Variants in MYO3B observed in about 807,000 individuals in gnomAD.
MYO3B encodes myosin IIIB, also known as myosin-IIIb.
Under a neutral mutation model 174.6 loss-of-function variants are expected in MYO3B, and 156 were observed. The ratio of observed to expected loss-of-function variants is 0.89; its 90% CI spans 0.78 to 1.02. MYO3B has a LOEUF of 1.02. MYO3B is among the 50% of genes least tolerant of loss of function. The pLI is 0.00. For synonymous variants in MYO3B, 563 were observed against 569.1 expected, an observed-to-expected ratio of 0.99 and a Z score of 0.15; for missense variants, 1,632 against 1,639.4, an observed-to-expected ratio of 1.00 and a Z score of 0.08.
chr2:170,280,188 T>G (rs1430796189), intron 7 of MYO3B, among the ~76,000 whole-genome samples: 2 of 152,222 alleles, frequency 1.3e-5, no homozygotes, highest in African/African-American at 4.8e-5. Flanking sequence ...CATTGTGGTT[T>G]TGATTTGCAT....
chr2:170,256,057 C>T (rs917622496), intron 7 of MYO3B, among the ~76,000 whole-genome samples: 3 of 152,058 alleles, frequency 2.0e-5, no homozygotes, highest in African/African-American at 7.2e-5. Context: ...GAAGACTAGC[C>T]GTTTGAATCA....
At chr2:170,500,680 T>G (rs1687205440) in intron 27 of MYO3B, among the ~76,000 whole-genome samples, 1 of 152,062 alleles carries the variant, frequency 6.6e-6, no homozygotes, top group South Asian at 2.1e-4. Flanking sequence ...AATGGACCAG[T>G]GATGTAAAGC....
In MYO3B at chr2:170,236,122, C is replaced by G. The variant is rs747814872; in HGVS notation, c.735C>G (p.Leu245=). 8 of 1,614,180 alleles carry G rather than the reference C, an allele frequency of 5.0e-6. No homozygotes were observed. Among genetic ancestry groups the G allele is most frequent in the Non-Finnish European group, 6.8e-6 (8 of 1,180,030 alleles). Residue 245 remains leucine (L), a synonymous_variant, in exon 7 of 35, where the codon CTC becomes CTG. Coordinates refer to ENST00000408978, the MANE Select transcript of MYO3B (RefSeq NM_138995.5). The part of the protein sequence containing the change: ...PLFDMHPVKT[L]FKIPRNPPPT... ...TTGACATGCATCCTGTGAAAACACTCTTTAAGATTCCAAGGTAAGACACAA... is the reference window on the plus strand; with the variant it reads ...TTGACATGCATCCTGTGAAAACACTGTTTAAGATTCCAAGGTAAGACACAA...
chr2:170,403,090 A>G (rs1040308790), intron 19 of MYO3B, 95 bp downstream of exon 19: 3 of 1,240,010 alleles, frequency 2.4e-6, no homozygotes, highest in Non-Finnish European at 3.3e-6. Context: ...ACTAACAACT[A>G]AAAGACCCTA....
intron 32 of MYO3B, among the ~76,000 whole-genome samples, chr2:170,628,724 G>A (rs183494584): frequency 5.3e-5 from 8 of 152,092 alleles, no homozygotes; most frequent in South Asian, 2.1e-4. Context: ...AAAACCTACA[G>A]CCACTGAAGG....
At chr2:170,432,133 A>G (rs920239447) in intron 22 of MYO3B, among the ~76,000 whole-genome samples, 1 of 152,240 alleles carries the variant, frequency 6.6e-6, no homozygotes, top group Non-Finnish European at 1.5e-5. Context: ...TTATTATTTT[A>G]GCATGTACTC....
At chr2:170,428,136 T>C (rs966278526) in intron 22 of MYO3B, among the ~76,000 whole-genome samples, 43 of 152,264 alleles carry the variant, frequency 2.8e-4, no homozygotes, top group African/African-American at 1.0e-3. Context: ...TTAGCCACAA[T>C]AGCAAAGTAA....
chr2:170,463,995 T>C (rs1684463823), intron 24 of MYO3B, among the ~76,000 whole-genome samples: 1 of 152,194 alleles, frequency 6.6e-6, no homozygotes, highest in African/African-American at 2.4e-5. Context: ...CTTCAAATTA[T>C]AAAGCGTTAG....
At chr2:170,524,907 G>C (rs1405445977) in intron 30 of MYO3B, among the ~76,000 whole-genome samples, 1 of 152,166 alleles carries the variant, frequency 6.6e-6, no homozygotes, top group East Asian at 1.9e-4. Flanking sequence ...TAAAGTGACA[G>C]AATCAGGATT....
chr2:170,523,859 C>T (rs867226546), intron 30 of MYO3B, among the ~76,000 whole-genome samples: 1 of 152,168 alleles, frequency 6.6e-6, no homozygotes, highest in Non-Finnish European at 1.5e-5. Flanking sequence ...GGAGACTTTT[C>T]TTGCATATGA....
At chr2:170,227,366 C>T (rs1357852478) in intron 6 of MYO3B, among the ~76,000 whole-genome samples, 1 of 152,148 alleles carries the variant, frequency 6.6e-6, no homozygotes, top group Non-Finnish European at 1.5e-5. Flanking sequence ...CTCACTGCGA[C>T]CTCCACCTCC....
chr2:170,466,405 T>C (rs1684632823), intron 24 of MYO3B, 101 bp from the exon 25 acceptor site: 4 of 1,026,332 alleles, frequency 3.9e-6, no homozygotes, highest in Non-Finnish European at 5.9e-6. Flanking sequence ...CAAGAAGGTC[T>C]GTGAGCCTCG....
chr2:170,216,161 A>ATC (rs1004641259), intron 5 of MYO3B, among the ~76,000 whole-genome samples: 1 of 152,016 alleles, frequency 6.6e-6, no homozygotes, highest in Non-Finnish European at 1.5e-5. Flanking sequence ...TCCTTGGCAA[A>ATC]TCTATGCTCA....
At chr2:170,273,190 A>G (rs73010722) in intron 7 of MYO3B, among the ~76,000 whole-genome samples, 1,917 of 152,240 alleles carry the variant, frequency 0.013, 53 homozygotes, top group African/African-American at 0.044. Flanking sequence ...AGCAATCTAT[A>G]GTCTGGCCCA....
At chr2:170,424,614 A>T (rs1466730355) in intron 22 of MYO3B, among the ~76,000 whole-genome samples, 1 of 152,206 alleles carries the variant, frequency 6.6e-6, no homozygotes, top group Non-Finnish European at 1.5e-5. Context: ...GCCTCAAAAA[A>T]AAAGAGAAAA....
chr2:170,366,294 T>G (rs142231315), intron 8 of MYO3B, among the ~76,000 whole-genome samples: 2 of 152,178 alleles, frequency 1.3e-5, no homozygotes, highest in East Asian at 1.9e-4. Flanking sequence ...CACTTTTTTT[T>G]GTTTGTTTTT....
chr2:170,312,072 C>T (rs1048899870), intron 7 of MYO3B, among the ~76,000 whole-genome samples: 32 of 152,092 alleles, frequency 2.1e-4, no homozygotes, highest in African/African-American at 4.8e-4. Context: ...GCTTTTCGCA[C>T]GGGGTAACTT....
rs551614508 is a variant in MYO3B at position 170,466,666 on chromosome 2, G to A, written c.2969G>A (p.Arg990His). The change falls in exon 25 of 35, where the codon CGC (arginine) becomes CAC (histidine). Residue 990 changes from arginine (R) to histidine (H), a missense_variant. By Grantham distance (29) the Arg-to-His change is conservative. Transcript: ENST00000408978. ...TGILETVSIRRQGYSHRILFE... is the reference protein window; with the variant it reads ...TGILETVSIRHQGYSHRILFE... ...ATTCTGGAGACAGTCAGCATCCGCC[G>A]CCAGGGCTATTCCCACCGCATCCTT... 2.6e-5 allele frequency: 42 copies of A among 1,614,158 alleles called. No individual in the cohort carries two copies. Among genetic ancestry groups the A allele is most frequent in the South Asian group, 1.6e-4 (15 of 91,080 alleles).
chr2:170,530,310 C>T (rs914799128), intron 30 of MYO3B, among the ~76,000 whole-genome samples: 1 of 152,196 alleles, frequency 6.6e-6, no homozygotes, highest in Non-Finnish European at 1.5e-5. Context: ...GGCCTAAGAT[C>T]AACACAGTCT....
Sources: allele counts gnomAD v4.1 joint callset (sites outside exome capture counted in the v4.1 genomes callset), GRCh38; gene constraint gnomAD v4.1.1; transcripts MANE v1.5; gene names NCBI Gene and HGNC (gene_info 2026-07-23, HGNC 2026-07-21).